The following AGBL4 variants were observed in gnomAD, a reference collection of about 807,000 sequenced individuals.
AGBL4 encodes cytosolic carboxypeptidase 6.
In AGBL4, 58 loss-of-function variants were observed where a neutral mutation model predicts 66.4. That is an observed-to-expected ratio of 0.87 (90% confidence interval 0.71 to 1.09). AGBL4 has a LOEUF of 1.09. Among genes scored for constraint, AGBL4 ranks in the 50% least tolerant of loss-of-function variants. The pLI is 0.00. For synonymous variants in AGBL4, 234 were observed against 222.9 expected (o/e 1.05, Z -0.44); for missense variants, 579 against 631.0 (o/e 0.92, Z 0.88).
intron 3 of AGBL4, among the ~76,000 whole-genome samples, chr1:49,548,217 T>G (rs1652659622): frequency 1.3e-5 from 2 of 152,152 alleles, no homozygotes; most frequent in Admixed American, 1.3e-4. Context: ...GTCTTTAGGG[T>G]TTTCAAAGTA....
At chr1:49,097,258 T>G (rs1466518316) in intron 4 of AGBL4, among the ~76,000 whole-genome samples, 1 of 151,980 alleles carries the variant, frequency 6.6e-6, no homozygotes, top group Non-Finnish European at 1.5e-5. Flanking sequence ...AATTAGAGAG[T>G]TCCAAAATTC....
intron 5 of AGBL4, among the ~76,000 whole-genome samples, chr1:48,985,032 A>G (rs3118215): frequency 6.6e-5 from 10 of 151,874 alleles, no homozygotes; most frequent in African/African-American, 9.7e-5. Flanking sequence ...CTAGCTGAGA[A>G]AGAATAACAG....
intron 3 of AGBL4, among the ~76,000 whole-genome samples, chr1:49,337,270 T>A (rs1189737949): frequency 2.0e-5 from 3 of 152,116 alleles, no homozygotes; most frequent in Non-Finnish European, 4.4e-5. Flanking sequence ...TTACTGCAGG[T>A]TTGATATTCT....
chr1:49,264,706 C>T (rs184202368), intron 3 of AGBL4, among the ~76,000 whole-genome samples: 172 of 152,164 alleles, frequency 1.1e-3, no homozygotes, highest in African/African-American at 4.0e-3. Context: ...TCACCACACC[C>T]GGCTAATTTT....
chr1:48,547,829 A>G (rs1326453426), intron 11 of AGBL4, among the ~76,000 whole-genome samples: 4 of 152,122 alleles, frequency 2.6e-5, no homozygotes, highest in Non-Finnish European at 5.9e-5. Flanking sequence ...ACAAGTGGGA[A>G]TCAAGAGACC....
intron 2 of AGBL4, among the ~76,000 whole-genome samples, chr1:49,843,225 C>T (rs764625292): frequency 5.3e-5 from 8 of 152,118 alleles, no homozygotes; most frequent in Non-Finnish European, 8.8e-5. Flanking sequence ...CTTCTGGGCT[C>T]GGGTGATCCT....
At chr1:49,187,062 C>A (rs1485674856) in intron 4 of AGBL4, among the ~76,000 whole-genome samples, 1 of 152,158 alleles carries the variant, frequency 6.6e-6, no homozygotes, top group Admixed American at 6.6e-5. Flanking sequence ...TTGGCTTTAG[C>A]CAGCATTCAT....
rs1646012703 is a variant in AGBL4 at position 48,810,008 on chromosome 1, T to C, written c.634+57183A>G. On this transcript the variant is annotated intron_variant, in intron 6 of 13. Transcript: ENST00000371839. The stretch of plus-strand genomic sequence containing the variant: ...AGGAAATCTAAGGAGCTATAAAGCA[T>C]AGACTTTTCCCTTCAAAATTTTGTG... Among the ~76,000 whole-genome samples, 4 of 152,188 alleles carry C rather than the reference T, an allele frequency of 2.6e-5. No individual in the cohort carries two copies. In the South Asian group the frequency reaches 6.2e-4, roughly 24 times the overall value.
intron 3 of AGBL4, among the ~76,000 whole-genome samples, chr1:49,392,864 T>C (rs1028977910): frequency 1.3e-5 from 2 of 152,228 alleles, no homozygotes; most frequent in Non-Finnish European, 2.9e-5. Flanking sequence ...ATGTTTTTCA[T>C]GAGAATATAT....
chr1:49,177,945 C>T (rs1008915215), intron 4 of AGBL4, among the ~76,000 whole-genome samples: 9 of 152,112 alleles, frequency 5.9e-5, no homozygotes, highest in African/African-American at 1.7e-4. Flanking sequence ...TACAGCAGGC[C>T]TACATCTTCA....
At position 49,668,543 on chromosome 1, in the gene AGBL4, A is replaced by G. The variant is rs145121186; in HGVS notation, c.282+28770T>C. Among the ~76,000 whole-genome samples the G allele has an allele frequency of 3.4e-3, 512 of 152,286 alleles. 5 individuals are homozygous for G. Among genetic ancestry groups the G allele is most frequent in the African/African-American group, 0.012 (495 of 41,572 alleles). ...GTCTTTCCTCTACCTGCTAATAGGA[A>G]GCAGTCTGTAATGGTGTGTCAGAAA... On this transcript the variant is annotated intron_variant, in intron 3 of 13. Coordinates refer to ENST00000371839, the MANE Select transcript of AGBL4 (RefSeq NM_032785.4).
intron 3 of AGBL4, among the ~76,000 whole-genome samples, chr1:49,288,716 G>A (rs139325426): frequency 1.2e-3 from 188 of 152,276 alleles, no homozygotes; most frequent in African/African-American, 4.3e-3. Flanking sequence ...TTGGAAAATT[G>A]TGGTAAATAC....
At chr1:49,385,967 A>C (rs1227091807) in intron 3 of AGBL4, among the ~76,000 whole-genome samples, 1 of 152,080 alleles carries the variant, frequency 6.6e-6, no homozygotes, top group Non-Finnish European at 1.5e-5. Context: ...GTACATTAGT[A>C]AAAATCTGTC....
chr1:48,810,393 T>C (rs954877217), intron 6 of AGBL4, among the ~76,000 whole-genome samples: 2 of 152,230 alleles, frequency 1.3e-5, no homozygotes, highest in Non-Finnish European at 2.9e-5. Context: ...TTGATGTGGA[T>C]AAGGGATCGG....
intron 2 of AGBL4, among the ~76,000 whole-genome samples, chr1:49,753,853 A>T (rs1301205711): frequency 6.6e-6 from 1 of 152,016 alleles, no homozygotes; most frequent in Admixed American, 6.6e-5. Flanking sequence ...CTTCCACTTC[A>T]TCGATTCAGC....
At position 48,548,668 on chromosome 1, in the gene AGBL4, C is replaced by T. The variant is rs1052970365; in HGVS notation, c.1268-8930G>A. ...TCCATACTTCTCACTCCCTGCAGCT[C>T]TTCTAGAACCCTCAGCAAGCTCAGC... On this transcript the variant is annotated intron_variant, in intron 11 of 13. Coordinates refer to ENST00000371839, the MANE Select transcript of AGBL4 (RefSeq NM_032785.4). 5.3e-5 allele frequency among the ~76,000 whole-genome samples: 8 copies of T among 152,324 alleles called. No homozygotes were observed. In the South Asian group the frequency reaches 8.3e-4, roughly 16 times the overall value.
chr1:49,239,267 A>G (rs916593072), intron 4 of AGBL4, among the ~76,000 whole-genome samples: 1 of 152,180 alleles, frequency 6.6e-6, no homozygotes, highest in African/African-American at 2.4e-5. Flanking sequence ...GTGATAGACC[A>G]ATAGCAATAT....
intron 1 of AGBL4, among the ~76,000 whole-genome samples, chr1:49,985,928 T>C (rs958637438): frequency 6.6e-6 from 1 of 151,962 alleles, no homozygotes; most frequent in Non-Finnish European, 1.5e-5. Context: ...GCAAGTTTCT[T>C]AAGAAAAAAA....
intron 4 of AGBL4, among the ~76,000 whole-genome samples, chr1:49,057,707 A>G (rs1329116482): frequency 6.6e-6 from 1 of 151,872 alleles, no homozygotes; most frequent in African/African-American, 2.4e-5. Context: ...TCCTCAAAGC[A>G]TTATCTCAAT....
Sources: gnomAD v4.1 joint callset for allele counts (sites outside exome capture counted in the v4.1 genomes callset) on GRCh38, gnomAD v4.1.1 for gene constraint, MANE v1.5 for transcripts, NCBI Gene and HGNC (gene_info 2026-07-23, HGNC 2026-07-21) for gene names.